CCDC85A: variants seen among roughly 807,000 people sequenced by gnomAD.
CCDC85A encodes the protein coiled-coil domain-containing protein 85A.
Under a neutral mutation model 50.2 loss-of-function variants are expected in CCDC85A, and 38 were observed. That is an observed-to-expected ratio of 0.76 (90% CI 0.58 to 0.99). CCDC85A has a LOEUF of 0.99. Ranked by LOEUF, CCDC85A falls within the 50% of genes least tolerant of loss-of-function variation. The probability of loss-of-function intolerance (pLI) is 0.00; values close to 1 mark genes in which losing one functional copy is unlikely to be tolerated. For missense variants in CCDC85A, 820 were observed against 742.0 expected, an observed-to-expected ratio of 1.11 and a Z score of -1.22; for synonymous variants, 366 against 301.4, an observed-to-expected ratio of 1.21 and a Z score of -2.22.
At chr2:56,205,805 G>A (rs1245663427) in intron 2 of CCDC85A, among the ~76,000 whole-genome samples, 1 of 152,142 alleles carries the variant, frequency 6.6e-6, no homozygotes, top group Non-Finnish European at 1.5e-5. Flanking sequence ...TATTATGTGA[G>A]GTGTTCATGG....
intron 3 of CCDC85A, among the ~76,000 whole-genome samples, chr2:56,356,229 C>T (rs2104356726): frequency 6.6e-6 from 1 of 152,314 alleles, no homozygotes; most frequent in Admixed American, 6.5e-5. Context: ...CAAAAGTTAA[C>T]AGAAGCTACA....
chr2:56,252,634 C>T (rs1669813930), intron 2 of CCDC85A, among the ~76,000 whole-genome samples: 1 of 152,022 alleles, frequency 6.6e-6, no homozygotes, highest in Admixed American at 6.6e-5. Flanking sequence ...TGGTGGTTTG[C>T]TGCACCCATC....
At chr2:56,281,520 A>G (rs1671207295) in intron 2 of CCDC85A, among the ~76,000 whole-genome samples, 1 of 152,192 alleles carries the variant, frequency 6.6e-6, no homozygotes. Flanking sequence ...AAGTGGTTAT[A>G]TCATCTTACA....
chr2:56,270,678 A>G (rs1670658824), intron 2 of CCDC85A, among the ~76,000 whole-genome samples: 1 of 152,202 alleles, frequency 6.6e-6, no homozygotes, highest in African/African-American at 2.4e-5. Flanking sequence ...TTTAAGGTCC[A>G]TTGGATATTG....
chr2:56,251,993 T>A (rs1012937754), intron 2 of CCDC85A, among the ~76,000 whole-genome samples: 1 of 152,082 alleles, frequency 6.6e-6, no homozygotes, highest in Non-Finnish European at 1.5e-5. Flanking sequence ...TTTGACCTAG[T>A]CTTTTATGTC....
chr2:56,233,029 C>T (rs1243697180), intron 2 of CCDC85A, among the ~76,000 whole-genome samples: 1 of 152,184 alleles, frequency 6.6e-6, no homozygotes, highest in Non-Finnish European at 1.5e-5. Flanking sequence ...ACCCACTGAG[C>T]CTTCTCCCTG....
At chr2:56,283,631 C>G (rs1234032825) in intron 2 of CCDC85A, among the ~76,000 whole-genome samples, 1 of 152,062 alleles carries the variant, frequency 6.6e-6, no homozygotes, top group Non-Finnish European at 1.5e-5. Flanking sequence ...GCTGATTCTT[C>G]TTGAATCAAT....
chr2:56,251,692 C>G (rs1188946583), intron 2 of CCDC85A, among the ~76,000 whole-genome samples: 1 of 151,600 alleles, frequency 6.6e-6, no homozygotes, highest in African/African-American at 2.4e-5. Context: ...TATTGGGACT[C>G]CTTGTCTACT....
chr2:56,271,359 G>T (rs747171768), intron 2 of CCDC85A, among the ~76,000 whole-genome samples: 2 of 152,078 alleles, frequency 1.3e-5, no homozygotes, highest in Non-Finnish European at 2.9e-5. Flanking sequence ...AGTGAAGAGG[G>T]GCAAACAACT....
rs557080606 is a variant in CCDC85A at position 56,297,593 on chromosome 2, C to T, written c.1241-45286C>T. 1.2e-4 allele frequency among the ~76,000 whole-genome samples: 19 copies of T among 152,218 alleles called. No homozygotes were observed. In the South Asian group the frequency reaches 3.5e-3, roughly 28 times the overall value. ...AATCACAGTGCAGGGCCATGGAAAGCGGCCCCTCATTGGTAGATTTTCTGT... is the reference window on the plus strand; with the variant it reads ...AATCACAGTGCAGGGCCATGGAAAGTGGCCCCTCATTGGTAGATTTTCTGT... On this transcript the variant is annotated intron_variant, in intron 2 of 5. Transcript: ENST00000407595.
chr2:56,344,371 G>GA (rs1674527319), intron 3 of CCDC85A, among the ~76,000 whole-genome samples: 1 of 152,152 alleles, frequency 6.6e-6, no homozygotes, highest in Admixed American at 6.5e-5. Context: ...AGACAGCATG[G>GA]ATTCATCCCA....
chr2:56,232,983 G>A (rs1347709205), intron 2 of CCDC85A, among the ~76,000 whole-genome samples: 1 of 152,142 alleles, frequency 6.6e-6, no homozygotes, highest in Non-Finnish European at 1.5e-5. Context: ...TGCCTGCAGT[G>A]CTCCAGCCCA....
chr2:56,279,657 G>A (rs368762452), intron 2 of CCDC85A, among the ~76,000 whole-genome samples: 12 of 152,070 alleles, frequency 7.9e-5, no homozygotes, highest in African/African-American at 2.9e-4. Context: ...CTCCACATAT[G>A]AGTGAGATTA....
chr2:56,359,164 A>G (rs145199043), intron 3 of CCDC85A, among the ~76,000 whole-genome samples: 197 of 152,200 alleles, frequency 1.3e-3, no homozygotes, highest in African/African-American at 4.4e-3. Flanking sequence ...GCATTAGTTC[A>G]AATTCTTTGT....
At chr2:56,323,590 G>A (rs1573257766) in intron 2 of CCDC85A, among the ~76,000 whole-genome samples, 1 of 151,950 alleles carries the variant, frequency 6.6e-6, no homozygotes, top group Admixed American at 6.6e-5. Flanking sequence ...AAGCTTATGT[G>A]GATTATTTGG....
At chr2:56,334,574 G>C (rs903312890) in intron 2 of CCDC85A, among the ~76,000 whole-genome samples, 4 of 152,168 alleles carry the variant, frequency 2.6e-5, no homozygotes. Flanking sequence ...AGAATTATTG[G>C]CCTTCAGAAT....
chr2:56,300,736 A>G (rs1672164348), intron 2 of CCDC85A, among the ~76,000 whole-genome samples: 1 of 152,220 alleles, frequency 6.6e-6, no homozygotes, highest in Non-Finnish European at 1.5e-5. Context: ...ATAACCCCAC[A>G]TGATAAAAAC....
At chr2:56,366,367 C>A (rs1322194606) in intron 3 of CCDC85A, among the ~76,000 whole-genome samples, 1 of 152,100 alleles carries the variant, frequency 6.6e-6, no homozygotes, top group Non-Finnish European at 1.5e-5. Context: ...ATTTGCATTC[C>A]CACCAGCAGT....
chr2:56,273,687 AATATAT>A (rs10579579), intron 2 of CCDC85A, among the ~76,000 whole-genome samples: 36 of 148,154 alleles, frequency 2.4e-4, no homozygotes, highest in Non-Finnish European at 2.8e-4. Context: ...TGGGTTTCAG[AATATAT>A]ATATATATAT....
Sources: gnomAD v4.1 joint callset for allele counts (sites outside exome capture counted in the v4.1 genomes callset) on GRCh38, gnomAD v4.1.1 for gene constraint, MANE v1.5 for transcripts, NCBI Gene and HGNC (gene_info 2026-07-23, HGNC 2026-07-21) for gene names.